Variants in PRKAR2A observed in about 807,000 individuals in gnomAD.
The protein encoded by PRKAR2A is cAMP-dependent protein kinase type II-alpha regulatory subunit.
A neutral mutation model predicts 51.9 loss-of-function variants in PRKAR2A; 29 were observed. That is an observed-to-expected ratio of 0.56 (90% CI 0.42 to 0.76). PRKAR2A has a LOEUF of 0.76. Ranked by LOEUF, PRKAR2A falls within the 30% of genes least tolerant of loss-of-function variation. The probability of loss-of-function intolerance (pLI) is 0.00; values close to 1 mark genes in which losing one functional copy is unlikely to be tolerated. For missense variants in PRKAR2A, 445 were observed against 512.1 expected (o/e 0.87, Z 1.26); for synonymous variants, 178 against 186.2 (o/e 0.96, Z 0.36).
At chr3:48,769,258 C>T (rs1460850993) in intron 6 of PRKAR2A, among the ~76,000 whole-genome samples, 4 of 149,112 alleles carry the variant, frequency 2.7e-5, no homozygotes, top group Non-Finnish European at 5.9e-5. Context: ...CCCTGGTTCA[C>T]GCCATTCTCC....
At chr3:48,746,353 TAAAAAAAA>T (rs34195938), downstream of PRKAR2A, among the ~76,000 whole-genome samples, 1 of 68,272 alleles carries the variant, frequency 1.5e-5, no homozygotes, top group Non-Finnish European at 2.7e-5. Context: ...ATCCTGTCAC[TAAAAAAAA>T]AAAAAAAAAA....
intron 2 of PRKAR2A, among the ~76,000 whole-genome samples, chr3:48,806,846 A>C (rs1195313810): frequency 1.3e-5 from 2 of 151,470 alleles, no homozygotes; most frequent in Admixed American, 1.3e-4. Context: ...ATCTTGGCTC[A>C]CTGAAATCTC....
intron 1 of PRKAR2A, among the ~76,000 whole-genome samples, chr3:48,830,640 G>A (rs2083172965): frequency 6.6e-6 from 1 of 152,000 alleles, no homozygotes; most frequent in African/African-American, 2.4e-5. Context: ...AAGGGTTGGG[G>A]GATGGTTTCA....
intron 8 of PRKAR2A, among the ~76,000 whole-genome samples, chr3:48,758,707 G>T (rs1405814118): frequency 2.0e-5 from 3 of 152,024 alleles, no homozygotes; most frequent in Non-Finnish European, 4.4e-5. Flanking sequence ...ATATAGAATA[G>T]AAGCTGCTAA....
chr3:48,793,572 ATTTTTT>A (rs556285506), intron 3 of PRKAR2A, among the ~76,000 whole-genome samples: 2 of 140,792 alleles, frequency 1.4e-5, no homozygotes, highest in South Asian at 2.3e-4. Context: ...CATGCCCAGC[ATTTTTT>A]TTTTAAGACT....
chr3:48,829,693 C>T (rs1412371727), intron 1 of PRKAR2A, among the ~76,000 whole-genome samples: 3 of 132,848 alleles, frequency 2.3e-5, no homozygotes, highest in South Asian at 2.3e-4. Flanking sequence ...TGTGTGTATA[C>T]GTGTGTATAT....
At chr3:48,781,372 C>A (rs989193984) in intron 5 of PRKAR2A, among the ~76,000 whole-genome samples, 1 of 151,404 alleles carries the variant, frequency 6.6e-6, no homozygotes, top group African/African-American at 2.4e-5. Context: ...GACTGAGTCT[C>A]ACTCTATCAC....
intron 1 of PRKAR2A, among the ~76,000 whole-genome samples, chr3:48,837,190 C>T (rs759173708): frequency 6.6e-6 from 1 of 151,948 alleles, no homozygotes; most frequent in Non-Finnish European, 1.5e-5. Context: ...CTTATGGTGG[C>T]GCATGAGCCC....
chr3:48,788,950 G>A (rs1421937177), intron 4 of PRKAR2A, among the ~76,000 whole-genome samples: 1 of 151,808 alleles, frequency 6.6e-6, no homozygotes, highest in Non-Finnish European at 1.5e-5. Flanking sequence ...GACAGGCCCA[G>A]GTCATAGATC....
intron 1 of PRKAR2A, among the ~76,000 whole-genome samples, chr3:48,827,144 C>T (rs1224712966): frequency 1.3e-5 from 2 of 151,904 alleles, no homozygotes; most frequent in African/African-American, 2.4e-5. Flanking sequence ...CCTGGAGTAC[C>T]GCCAACAACA....
chr3:48,831,538 T>G (rs2083188486), intron 1 of PRKAR2A, among the ~76,000 whole-genome samples: 1 of 152,050 alleles, frequency 6.6e-6, no homozygotes, highest in African/African-American at 2.4e-5. Flanking sequence ...GGCTATTATA[T>G]TTTTTGTAGA....
intron 8 of PRKAR2A, among the ~76,000 whole-genome samples, chr3:48,760,926 G>A (rs1019128119): frequency 1.3e-5 from 2 of 151,892 alleles, no homozygotes; most frequent in East Asian, 1.9e-4. Flanking sequence ...GTTCAAGGCT[G>A]CAGTGAGCTA....
At chr3:48,829,675 TAA>T (rs2083144139) in intron 1 of PRKAR2A, among the ~76,000 whole-genome samples, 1 of 141,018 alleles carries the variant, frequency 7.1e-6, no homozygotes, top group African/African-American at 2.6e-5. Context: ...TACACACACA[TAA>T]ATGTGTGTGT....
intron 1 of PRKAR2A, among the ~76,000 whole-genome samples, chr3:48,844,598 C>T (rs1361776792): frequency 5.4e-5 from 8 of 149,474 alleles, no homozygotes; most frequent in African/African-American, 2.0e-4. Flanking sequence ...AAATGTCCAA[C>T]AATGATAGAC....
At chr3:48,761,289 C>T (rs1559604139) in intron 8 of PRKAR2A, among the ~76,000 whole-genome samples, 1 of 151,862 alleles carries the variant, frequency 6.6e-6, no homozygotes, top group African/African-American at 2.4e-5. Flanking sequence ...CTCAAAAAAA[C>T]AAAACAAAAA....
Position 48,756,228 on chromosome 3 carries a change from A to G in PRKAR2A, c.939+151T>C. ...ATCTAATCTAATCTAAATATGCTAA[A>G]TCTATACTAAATGGGCTTAAACATG... On this transcript the variant is annotated intron_variant, in intron 9 of 10. Coordinates refer to ENST00000265563, the MANE Select transcript of PRKAR2A (RefSeq NM_004157.4). 9.5e-6 allele frequency: 6 copies of G among 628,294 alleles called. No homozygotes were observed. In the South Asian group the frequency reaches 1.3e-4, roughly 13 times the overall value. The allele number at this position is 628,294 out of a possible 1,614,324, so 38.9% of individuals were successfully genotyped here. A position where few individuals can be genotyped will look rare whatever the true frequency, so the allele number is the denominator to read the frequency against.
intron 6 of PRKAR2A, among the ~76,000 whole-genome samples, chr3:48,767,405 G>A (rs539930136): frequency 1.3e-5 from 2 of 152,082 alleles, no homozygotes; most frequent in Non-Finnish European, 1.5e-5. Flanking sequence ...CTTGAACCTG[G>A]GAGGCAGAGG....
chr3:48,832,696 C>T (rs1417673621), intron 1 of PRKAR2A, among the ~76,000 whole-genome samples: 1 of 151,876 alleles, frequency 6.6e-6, no homozygotes, highest in Non-Finnish European at 1.5e-5. Context: ...TAAGCTGCTC[C>T]TTGAGGATAA....
At chr3:48,764,860 A>G (rs535154822) in intron 8 of PRKAR2A, 144 bp downstream of exon 8, 4 of 653,532 alleles carry the variant, frequency 6.1e-6, no homozygotes, top group Admixed American at 5.7e-5. Context: ...CCTGGCCTCA[A>G]GTGATCCACC....
Sources: gnomAD v4.1 joint callset for allele counts (sites outside exome capture counted in the v4.1 genomes callset) on GRCh38, gnomAD v4.1.1 for gene constraint, MANE v1.5 for transcripts, NCBI Gene and HGNC (gene_info 2026-07-23, HGNC 2026-07-21) for gene names.